GPC5: variants seen among roughly 807,000 people sequenced by gnomAD.
GPC5 encodes glypican-5.
In GPC5, 47 loss-of-function variants were observed where a neutral mutation model predicts 53.9. That is an observed-to-expected ratio of 0.87 (90% CI 0.69 to 1.11). GPC5 has a LOEUF of 1.11. Ranked by LOEUF, GPC5 falls within the 50% of genes most tolerant of loss-of-function variation. The pLI is 0.00. For synonymous variants in GPC5, 286 were observed against 263.3 expected, an observed-to-expected ratio of 1.09 and a Z score of -0.84; for missense variants, 748 against 713.1, an observed-to-expected ratio of 1.05 and a Z score of -0.56.
chr13:92,748,993 T>G (rs1332985604), intron 7 of GPC5, among the ~76,000 whole-genome samples: 1 of 152,210 alleles, frequency 6.6e-6, no homozygotes, highest in Non-Finnish European at 1.5e-5. Context: ...ACTTCAGTTC[T>G]GTATCTACTT....
chr13:92,861,479 T>C (rs773394601), intron 7 of GPC5, among the ~76,000 whole-genome samples: 1 of 152,176 alleles, frequency 6.6e-6, no homozygotes, highest in Non-Finnish European at 1.5e-5. Flanking sequence ...AGTACTTATT[T>C]GTTGTCCAGT....
At chr13:91,757,492 T>A (rs937637210) in intron 5 of GPC5, among the ~76,000 whole-genome samples, 1 of 152,102 alleles carries the variant, frequency 6.6e-6, no homozygotes, top group Non-Finnish European at 1.5e-5. Flanking sequence ...TGGTAGGAGA[T>A]CATTTAATCA....
chr13:91,765,219 T>C (rs1237447638), intron 5 of GPC5, among the ~76,000 whole-genome samples: 2 of 152,242 alleles, frequency 1.3e-5, no homozygotes, highest in East Asian at 3.8e-4. Flanking sequence ...GCTCCAAGGA[T>C]CCTTCAACAC....
chr13:92,854,956 G>T (rs190752962), intron 7 of GPC5, among the ~76,000 whole-genome samples: 6 of 151,618 alleles, frequency 4.0e-5, no homozygotes, highest in African/African-American at 1.5e-4. Flanking sequence ...TGAATTCTTC[G>T]CTGAGACCAA....
At position 92,326,430 on chromosome 13, in the gene GPC5, GTGTATA is replaced by G. The variant is rs1212605564; in HGVS notation, c.1561+181453_1561+181458del. Among the ~76,000 whole-genome samples, 3 of 152,122 alleles carry G rather than the reference GTGTATA, an allele frequency of 2.0e-5. No individual in the cohort carries two copies. In the East Asian group the frequency reaches 5.8e-4, roughly 29 times the overall value. On this transcript the variant is annotated intron_variant, in intron 7 of 7. Transcript: ENST00000377067. The stretch of plus-strand genomic sequence containing the variant: ...TATTTTTATAGAAACTTCAGCCAGT[GTGTATA>G]TGTATATGTATTTGTTTGCTGTTGG...
chr13:91,641,036 CA>C (rs1471030750), intron 2 of GPC5, among the ~76,000 whole-genome samples: 2 of 152,052 alleles, frequency 1.3e-5, no homozygotes, highest in African/African-American at 2.4e-5. Flanking sequence ...AACAGAAAAC[CA>C]AACACTGCGG....
chr13:91,541,636 AG>A (rs760960720), intron 2 of GPC5, among the ~76,000 whole-genome samples: 5 of 152,226 alleles, frequency 3.3e-5, no homozygotes, highest in Non-Finnish European at 7.4e-5. Context: ...CAAGTTACAA[AG>A]GAAAAAAAAA....
At chr13:91,812,956 G>A (rs2038337012) in intron 5 of GPC5, among the ~76,000 whole-genome samples, 1 of 152,166 alleles carries the variant, frequency 6.6e-6, no homozygotes, top group Non-Finnish European at 1.5e-5. Flanking sequence ...AATGAAGTCT[G>A]TATTCATTGT....
chr13:91,985,429 A>G (rs554139090), intron 6 of GPC5, among the ~76,000 whole-genome samples: 88 of 143,384 alleles, frequency 6.1e-4, no homozygotes, highest in African/African-American at 2.0e-3. Flanking sequence ...GTTCACTTCG[A>G]TTTTTTAAAT....
intron 7 of GPC5, among the ~76,000 whole-genome samples, chr13:92,421,183 C>G (rs115940464): frequency 6.6e-6 from 1 of 152,142 alleles, no homozygotes; most frequent in Non-Finnish European, 1.5e-5. Flanking sequence ...AGCGCAATCC[C>G]TTTTCTAAAT....
At chr13:92,595,738 A>C (rs963723046) in intron 7 of GPC5, among the ~76,000 whole-genome samples, 275 of 137,054 alleles carry the variant, frequency 2.0e-3, no homozygotes, top group African/African-American at 7.3e-3. Flanking sequence ...ACTGCACTCC[A>C]GCCTGGGCGA....
chr13:92,438,047 CAT>C (rs999509289), intron 7 of GPC5, among the ~76,000 whole-genome samples: 4 of 152,024 alleles, frequency 2.6e-5, no homozygotes, highest in Non-Finnish European at 5.9e-5. Flanking sequence ...GCAACATGCT[CAT>C]ATCTTCAACC....
chr13:91,739,389 A>G (rs1328818953), intron 4 of GPC5, among the ~76,000 whole-genome samples: 2 of 151,396 alleles, frequency 1.3e-5, no homozygotes, highest in Non-Finnish European at 2.9e-5. Context: ...TTTCTTATCT[A>G]TTGCAATCTA....
chr13:91,869,492 A>G (rs2039120476), intron 5 of GPC5, among the ~76,000 whole-genome samples: 1 of 152,084 alleles, frequency 6.6e-6, no homozygotes, highest in South Asian at 2.1e-4. Flanking sequence ...GTATAACTTT[A>G]TTTGCTATTG....
intron 7 of GPC5, among the ~76,000 whole-genome samples, chr13:92,629,942 C>A (rs7319195): frequency 1.3e-5 from 2 of 152,092 alleles, no homozygotes; most frequent in Non-Finnish European, 2.9e-5. Flanking sequence ...GGAAAAACAA[C>A]GATAAAAGAG....
At chr13:92,838,084 A>AT (rs1050809825) in intron 7 of GPC5, among the ~76,000 whole-genome samples, 3 of 147,560 alleles carry the variant, frequency 2.0e-5, no homozygotes, top group Non-Finnish European at 3.0e-5. Flanking sequence ...GTCTCAAAAA[A>AT]TAAAAAAAAA....
intron 7 of GPC5, among the ~76,000 whole-genome samples, chr13:92,637,274 G>A (rs1885439242): frequency 6.6e-6 from 1 of 152,146 alleles, no homozygotes; most frequent in Non-Finnish European, 1.5e-5. Flanking sequence ...AGAGAAGTCA[G>A]CAAGACTTCA....
At chr13:92,572,537 T>C (rs1011463634) in intron 7 of GPC5, among the ~76,000 whole-genome samples, 4 of 152,202 alleles carry the variant, frequency 2.6e-5, no homozygotes, top group African/African-American at 9.6e-5. Flanking sequence ...CTGTTAGATA[T>C]GGTTGGGTTC....
intron 7 of GPC5, among the ~76,000 whole-genome samples, chr13:92,441,448 C>G (rs1172447765): frequency 6.6e-6 from 1 of 152,148 alleles, no homozygotes; most frequent in Non-Finnish European, 1.5e-5. Context: ...TCTAAATAAT[C>G]CGTAAGGCTC....
Sources: allele counts gnomAD v4.1 joint callset (sites outside exome capture counted in the v4.1 genomes callset), GRCh38; gene constraint gnomAD v4.1.1; transcripts MANE v1.5; gene names NCBI Gene and HGNC (gene_info 2026-07-23, HGNC 2026-07-21).